UBE3C: variants seen among roughly 807,000 people sequenced by gnomAD.
UBE3C encodes ubiquitin-protein ligase E3C.
UBE3C carries 42 observed loss-of-function variants against 129.4 expected under a neutral mutation model. That is an observed-to-expected ratio of 0.32 (90% CI 0.25 to 0.42). The LOEUF (loss-of-function observed/expected upper bound fraction) is 0.42, where lower values mean the gene tolerates loss of function less well. UBE3C is among the 10% of genes least tolerant of loss of function. The pLI is 1.00. For synonymous variants in UBE3C, 510 were observed against 492.4 expected, an observed-to-expected ratio of 1.04 and a Z score of -0.47; for missense variants, 1,049 against 1,319.1, an observed-to-expected ratio of 0.80 and a Z score of 3.17.
At chr7:157,142,803 T>C (rs1807491634) in intron 1 of UBE3C, among the ~76,000 whole-genome samples, 1 of 152,096 alleles carries the variant, frequency 6.6e-6, no homozygotes. Flanking sequence ...CTGCAGTATA[T>C]TCTTGTAACA....
chr7:157,245,789 G>A (rs1047100366), intron 18 of UBE3C, among the ~76,000 whole-genome samples: 2 of 151,948 alleles, frequency 1.3e-5, no homozygotes, highest in Non-Finnish European at 2.9e-5. Flanking sequence ...TCAGGAGTTC[G>A]AGACCAGCCT....
intron 18 of UBE3C, among the ~76,000 whole-genome samples, chr7:157,235,376 A>G (rs1046378104): frequency 2.6e-5 from 4 of 152,212 alleles, no homozygotes; most frequent in African/African-American, 9.6e-5. Flanking sequence ...AAGATAGAGC[A>G]ATAATTTTAC....
intron 14 of UBE3C, among the ~76,000 whole-genome samples, chr7:157,218,173 C>A (rs1052831640): frequency 5.9e-5 from 9 of 152,040 alleles, no homozygotes; most frequent in Non-Finnish European, 1.0e-4. Context: ...CGGCTGGGCG[C>A]GGTGGCTCAT....
intron 4 of UBE3C, among the ~76,000 whole-genome samples, chr7:157,173,711 T>G (rs1403656828): frequency 6.6e-6 from 1 of 152,234 alleles, no homozygotes; most frequent in African/African-American, 2.4e-5. Flanking sequence ...TTATATAATG[T>G]ATAGTTATTT....
chr7:157,192,874 AAAAGAAGGGATTATC>A (rs970077811), intron 10 of UBE3C: 13 of 902,644 alleles, frequency 1.4e-5, no homozygotes, highest in Non-Finnish European at 2.3e-5. Flanking sequence ...AAAAAAAAAA[AAAAGAAGGGATTATC>A]AAAGAAGACA....
At position 157,144,702 on chromosome 7, in the gene UBE3C, G is replaced by T. The variant is rs545382700; in HGVS notation, c.66+5364G>T. On this transcript the variant is annotated intron_variant, in intron 1 of 22. Coordinates refer to ENST00000348165, the MANE Select transcript of UBE3C (RefSeq NM_014671.3). Reference sequence around the variant, plus strand: ...CCAGTGCTTTTTTTAAAAAAAAATAGACTTTATTTTTTAGAGCAGTTTCAG... The same window carrying T: ...CCAGTGCTTTTTTTAAAAAAAAATATACTTTATTTTTTAGAGCAGTTTCAG... 3.3e-5 allele frequency among the ~76,000 whole-genome samples: 5 copies of T among 151,388 alleles called. No individual in the cohort carries two copies. The South Asian group carries it at 1.0e-3, about 32-fold the overall frequency.
In UBE3C at chr7:157,183,958, A is replaced by G; in HGVS notation, c.1072A>G (p.Ser358Gly). 1 of 1,614,184 alleles carries G rather than the reference A, an allele frequency of 6.2e-7. No homozygotes were observed. ...CTCTCAGTTACCAGTCTCTCCTGCC[A>G]GCGCGAGCTGTCACGACTCAGCCAG... Reference protein sequence around the residue: ...FLSQLPVSPASASCHDSASDS... With the variant: ...FLSQLPVSPAGASCHDSASDS... The change falls in exon 9 of 23, where the codon AGC (serine) becomes GGC (glycine). Residue 358 changes from serine (S) to glycine (G), a missense_variant. This residue lies in a region of UBE3C where 489 missense variants were observed against 513.8 expected (regional missense o/e 0.95). Coordinates refer to ENST00000348165, the MANE Select transcript of UBE3C (RefSeq NM_014671.3).
intron 14 of UBE3C, 120 bp downstream of exon 14, chr7:157,217,091 G>C (rs960080654): frequency 4.0e-6 from 3 of 743,034 alleles, no homozygotes; most frequent in African/African-American, 1.8e-5. Context: ...TGACTAAATA[G>C]TAATGATAAA....
chr7:157,244,959 A>C (rs1013294409), intron 18 of UBE3C, among the ~76,000 whole-genome samples: 32 of 152,232 alleles, frequency 2.1e-4, no homozygotes, highest in African/African-American at 6.5e-4. Flanking sequence ...ATTATTTTGC[A>C]TAAAAAATAG....
intron 18 of UBE3C, among the ~76,000 whole-genome samples, chr7:157,240,804 C>T (rs1796297078): frequency 6.6e-6 from 1 of 152,052 alleles, no homozygotes; most frequent in Non-Finnish European, 1.5e-5. Flanking sequence ...GCTTAGTTAC[C>T]GGTAATGCCA....
chr7:157,228,293 G>A lies in UBE3C; in HGVS notation c.2233+2754G>A, dbSNP rs1442149288. Among the ~76,000 whole-genome samples the A allele has an allele frequency of 4.6e-5, 7 of 152,308 alleles. No individual in the cohort carries two copies. In the East Asian group the frequency reaches 5.8e-4, roughly 13 times the overall value. ...GCTGGGGTTCCACAGGGATGCCCAC[G>A]CACTCCCAGCCTGCACTGCACTACC... On this transcript the variant is annotated intron_variant, in intron 17 of 22. Transcript: ENST00000348165.
chr7:157,187,075 C>T lies in UBE3C; in HGVS notation c.1331+54C>T, dbSNP rs1283843952. On this transcript the variant is annotated intron_variant, in intron 10 of 22. Transcript: ENST00000348165. ...GGGTGCCAGCCAGAGAACATACCTT[C>T]CTCCCTGGGAATTGCTCTCCTCTTA... is the stretch of plus-strand genomic sequence containing the variant. 5 of 1,513,818 alleles carry T rather than the reference C, an allele frequency of 3.3e-6. No individual in the cohort carries two copies. The Admixed American group carries it at 6.2e-5, about 19-fold the overall frequency. 93.8% of individuals were successfully genotyped at this position (1,513,818 alleles called of 1,614,324 possible). A position where few individuals can be genotyped will look rare whatever the true frequency, so the allele number is the denominator to read the frequency against.
At chr7:157,165,634 A>G (rs971266814) in intron 2 of UBE3C, among the ~76,000 whole-genome samples, 4 of 152,096 alleles carry the variant, frequency 2.6e-5, no homozygotes, top group Admixed American at 1.3e-4. Flanking sequence ...CCTAACCTCA[A>G]GTGATCTGCC....
intron 14 of UBE3C, 104 bp downstream of exon 14, chr7:157,217,075 C>G: frequency 1.2e-6 from 1 of 850,300 alleles, no homozygotes; most frequent in Non-Finnish European, 1.8e-6. Context: ...TATTTTATGA[C>G]TCATATGACT....
intron 6 of UBE3C, 95 bp downstream of exon 6, chr7:157,178,942 AATGT>A: frequency 6.7e-7 from 1 of 1,485,038 alleles, no homozygotes; most frequent in Non-Finnish European, 9.1e-7. Flanking sequence ...CCTCAGTCTC[AATGT>A]CAGAGCGGTA....
chr7:157,152,630 T>G (rs1391895613), intron 1 of UBE3C, among the ~76,000 whole-genome samples: 6 of 152,216 alleles, frequency 3.9e-5, no homozygotes, highest in Non-Finnish European at 8.8e-5. Flanking sequence ...GTTAGTGTCC[T>G]GTGGAGGAAG....
Position 157,163,855 on chromosome 7 carries a change from AAGAG to A in UBE3C, c.117_120del (p.Glu40LysfsTer6). Reference sequence around the variant, plus strand: ...ACATCGTACTCAGGAAGAAAGAAGAAAGAGAGAGGTAAAAACAGTTTTGTAATAC... The same window carrying A: ...ACATCGTACTCAGGAAGAAAGAAGAAAGAGGTAAAAACAGTTTTGTAATAC... On this transcript the variant is annotated frameshift_variant, in exon 2 of 23. Transcript: ENST00000348165. LOFTEE classifies it high-confidence loss of function. The A allele has an allele frequency of 3.7e-6, 6 of 1,613,508 alleles. No individual in the cohort carries two copies. The highest frequency in any genetic ancestry group is 4.2e-6 in the Non-Finnish European group (5 of 1,179,674).
intron 9 of UBE3C, among the ~76,000 whole-genome samples, chr7:157,186,283 G>T (rs1430026723): frequency 6.6e-5 from 10 of 152,026 alleles, no homozygotes; most frequent in Admixed American, 6.6e-4. Flanking sequence ...AATTAGCTGG[G>T]TGTGGAGGCG....
chr7:157,171,332 T>C (rs1336005843), intron 4 of UBE3C, among the ~76,000 whole-genome samples: 2 of 151,736 alleles, frequency 1.3e-5, no homozygotes, highest in East Asian at 3.9e-4. Context: ...TTCACCATGT[T>C]GGCCAGGCTA....
Sources: gnomAD v4.1 joint callset for allele counts (sites outside exome capture counted in the v4.1 genomes callset) on GRCh38, gnomAD v4.1.1 for gene constraint, gnomAD v4.1.1 regional missense constraint, MANE v1.5 for transcripts, NCBI Gene and HGNC (gene_info 2026-07-23, HGNC 2026-07-21) for gene names.